The following CDYL variants were observed in gnomAD, a reference collection of about 807,000 sequenced individuals.
CDYL encodes chromodomain Y like.
Under a neutral mutation model 47.3 loss-of-function variants are expected in CDYL, and 8 were observed. That is an observed-to-expected ratio of 0.17 (90% CI 0.10 to 0.31). CDYL has a LOEUF of 0.31. Among genes scored for constraint, CDYL ranks in the 10% least tolerant of loss-of-function variants. The pLI is 1.00. For synonymous variants in CDYL, 266 were observed against 265.0 expected (o/e 1.00, Z -0.04); for missense variants, 471 against 701.4 (o/e 0.67, Z 3.71).
chr6:4,873,334 T>C (rs940515998), intron 1 of CDYL, among the ~76,000 whole-genome samples: 11 of 152,234 alleles, frequency 7.2e-5, no homozygotes, highest in African/African-American at 2.2e-4. Flanking sequence ...AGTGGATAGA[T>C]ATGATAATGA....
intron 2 of CDYL, among the ~76,000 whole-genome samples, chr6:4,909,570 T>G (rs1015053644): frequency 1.3e-5 from 2 of 150,974 alleles, no homozygotes. Flanking sequence ...AAATTCATAC[T>G]TTTTTTTGTT....
chr6:4,804,731 C>G (rs1581177680), intron 1 of CDYL, among the ~76,000 whole-genome samples: 1 of 152,222 alleles, frequency 6.6e-6, no homozygotes, highest in Non-Finnish European at 1.5e-5. Context: ...GTCCATTCTC[C>G]TACTCATGAC....
rs1581301570 is a variant in CDYL at position 4,955,490 on chromosome 6, GAATA to G, written c.*1439_*1442del. On this transcript the variant is annotated 3_prime_UTR_variant, in exon 7 of 7. Coordinates refer to ENST00000397588, the MANE Select transcript of CDYL (RefSeq NM_004824.4). ...CTGTACAATCTGTAAAGTTTTTATA[GAATA>G]AATATTCAGCTGTGAAAACTGGTTA... is the stretch of plus-strand genomic sequence containing the variant. 1 of 152,602 alleles carries G rather than the reference GAATA, an allele frequency of 6.6e-6. No homozygotes were observed. Among genetic ancestry groups the G allele is most frequent in the African/African-American group, 2.4e-5 (1 of 41,426 alleles). The allele number at this position is 152,602 out of a possible 1,614,324, so 9.5% of individuals were successfully genotyped here. A position where few individuals can be genotyped will look rare whatever the true frequency, so the allele number is the denominator to read the frequency against.
intron 2 of CDYL, among the ~76,000 whole-genome samples, chr6:4,907,734 A>G (rs1459305760): frequency 6.6e-6 from 1 of 152,176 alleles, no homozygotes; most frequent in Non-Finnish European, 1.5e-5. Flanking sequence ...GGATTTCAAA[A>G]TTACTATATA....
intron 3 of CDYL, among the ~76,000 whole-genome samples, chr6:4,737,358 A>G (rs1757720954): frequency 1.0e-3 from 1 of 990 alleles, no homozygotes; most frequent in Non-Finnish European, 6.4e-3. Flanking sequence ...TATTTGCAAC[A>G]AAAATTAAAA....
intron 2 of CDYL, among the ~76,000 whole-genome samples, chr6:4,906,151 G>A (rs1757230519): frequency 6.6e-6 from 1 of 152,216 alleles, no homozygotes; most frequent in South Asian, 2.1e-4. Flanking sequence ...CCCATGGGCG[G>A]ATGATATGAC....
chr6:4,893,028 C>T (rs538923068), intron 2 of CDYL, among the ~76,000 whole-genome samples: 7 of 152,366 alleles, frequency 4.6e-5, no homozygotes, highest in Non-Finnish European at 2.9e-5. Context: ...CAGGACAGCA[C>T]AACTGGGAGT....
intron 2 of CDYL, among the ~76,000 whole-genome samples, chr6:4,922,165 G>C (rs945784808): frequency 1.3e-5 from 2 of 152,088 alleles, no homozygotes; most frequent in Non-Finnish European, 2.9e-5. Context: ...ATCTTCAGGG[G>C]ATTATGGCTT....
In CDYL at chr6:4,903,241, G is replaced by T. The variant is rs146151941; in HGVS notation, c.691+10862G>T. ...CGAGTCAGCAGGCCTGTGCTCCTGC[G>T]CCATGTCCCTGCTGTACGTGCACAT... On this transcript the variant is annotated intron_variant, in intron 2 of 6. Coordinates refer to ENST00000397588, the MANE Select transcript of CDYL (RefSeq NM_004824.4). 9.9e-5 allele frequency among the ~76,000 whole-genome samples: 15 copies of T among 152,242 alleles called. No homozygotes were observed. The South Asian group carries it at 2.7e-3, about 27-fold the overall frequency.
intron 3 of CDYL, among the ~76,000 whole-genome samples, chr6:4,735,349 C>T (rs530433439): frequency 8.6e-5 from 13 of 151,932 alleles, no homozygotes; most frequent in African/African-American, 3.1e-4. Flanking sequence ...TACAGGACTA[C>T]AAAGGTTATC....
intron 1 of CDYL, among the ~76,000 whole-genome samples, chr6:4,797,620 T>C (rs1759111015): frequency 6.6e-6 from 1 of 152,224 alleles, no homozygotes; most frequent in Non-Finnish European, 1.5e-5. Context: ...TCTAGACCCC[T>C]GGCAACCATG....
chr6:4,816,379 CA>C (rs1430027176), intron 1 of CDYL, among the ~76,000 whole-genome samples: 2 of 152,072 alleles, frequency 1.3e-5, no homozygotes, highest in East Asian at 3.9e-4. Flanking sequence ...CAAATAGCCC[CA>C]AGAAACTACT....
chr6:4,815,481 T>G (rs1211586001), intron 1 of CDYL, among the ~76,000 whole-genome samples: 1 of 152,162 alleles, frequency 6.6e-6, no homozygotes, highest in Non-Finnish European at 1.5e-5. Flanking sequence ...TCCAATAGAC[T>G]TACTATGTCA....
intron 1 of CDYL, among the ~76,000 whole-genome samples, chr6:4,870,214 G>A (rs1025683373): frequency 6.7e-5 from 10 of 149,790 alleles, no homozygotes; most frequent in Admixed American, 6.6e-4. Context: ...ACAGGTGTGT[G>A]CCACTGAGGT....
At chr6:4,931,181 G>T (rs1758023995) in intron 2 of CDYL, among the ~76,000 whole-genome samples, 2 of 152,338 alleles carry the variant, frequency 1.3e-5, no homozygotes, top group South Asian at 2.1e-4. Flanking sequence ...CATGTACTGA[G>T]TGTTGTATGC....
chr6:4,896,779 T>C (rs1375549386), intron 2 of CDYL, among the ~76,000 whole-genome samples: 1 of 152,154 alleles, frequency 6.6e-6, no homozygotes, highest in East Asian at 1.9e-4. Context: ...CTAATTGAAG[T>C]AGATACTGGT....
intron 1 of CDYL, among the ~76,000 whole-genome samples, chr6:4,804,451 A>G (rs979724021): frequency 2.6e-5 from 4 of 152,230 alleles, no homozygotes; most frequent in Admixed American, 6.5e-5. Flanking sequence ...TTCAGATCTC[A>G]AAATAAAGAC....
intron 3 of CDYL, among the ~76,000 whole-genome samples, chr6:4,753,548 T>C (rs1758030715): frequency 6.6e-6 from 1 of 152,228 alleles, no homozygotes; most frequent in Non-Finnish European, 1.5e-5. Flanking sequence ...TACCTATGGA[T>C]CAAACCTGAT....
intron 1 of CDYL, among the ~76,000 whole-genome samples, chr6:4,849,150 T>C (rs1397113852): frequency 6.6e-6 from 1 of 152,210 alleles, no homozygotes; most frequent in African/African-American, 2.4e-5. Context: ...TGAAACTTCT[T>C]TGCCTTAGTC....
Sources: gnomAD v4.1 joint callset for allele counts (sites outside exome capture counted in the v4.1 genomes callset) on GRCh38, gnomAD v4.1.1 for gene constraint, MANE v1.5 for transcripts, NCBI Gene and HGNC (gene_info 2026-07-23, HGNC 2026-07-21) for gene names.